Variants in ACSS2 observed in about 807,000 individuals in gnomAD.
ACSS2 encodes the protein acetyl-coenzyme A synthetase, cytoplasmic.
ACSS2 carries 58 observed loss-of-function variants against 90.6 expected under a neutral mutation model. The ratio of observed to expected loss-of-function variants is 0.64; its 90% CI spans 0.52 to 0.80. The LOEUF is 0.80. Among genes scored for constraint, ACSS2 ranks in the 30% least tolerant of loss-of-function variants. The pLI is 0.00. For missense variants in ACSS2, 759 were observed against 912.0 expected, an observed-to-expected ratio of 0.83 and a Z score of 2.16; for synonymous variants, 300 against 330.9, an observed-to-expected ratio of 0.91 and a Z score of 1.01.
At chr20:34,907,083 T>G (rs542517882) in intron 2 of ACSS2, among the ~76,000 whole-genome samples, 1 of 150,974 alleles carries the variant, frequency 6.6e-6, no homozygotes, top group South Asian at 2.1e-4. Context: ...TGAGATAATT[T>G]CAAATAATGG....
At chr20:34,906,949 A>C (rs2080820726) in intron 2 of ACSS2, among the ~76,000 whole-genome samples, 1 of 134,150 alleles carries the variant, frequency 7.5e-6, no homozygotes, top group Non-Finnish European at 1.5e-5. Context: ...GCACTATTGC[A>C]CTCCAGCCTG....
intron 2 of ACSS2, among the ~76,000 whole-genome samples, chr20:34,906,903 G>A (rs147703892): frequency 0.035 from 5,027 of 144,626 alleles, 281 homozygotes; most frequent in African/African-American, 0.12. Flanking sequence ...AGAATTGCTT[G>A]AACCCTGGAG....
chr20:34,890,980 T>G (rs2080321428), intron 2 of ACSS2, among the ~76,000 whole-genome samples: 2 of 148,732 alleles, frequency 1.3e-5, no homozygotes, highest in South Asian at 4.3e-4. Context: ...TACCTCCCCA[T>G]GTCACTGAAG....
chr20:34,927,545 T>C lies in ACSS2; in HGVS notation c.*331T>C. 3.0e-6 allele frequency: 1 copy of C among 329,828 alleles called. No homozygotes were observed. Among genetic ancestry groups the C allele is most frequent in the African/African-American group, 2.1e-5 (1 of 48,750 alleles). The allele number at this position is 329,828 out of a possible 1,614,324, so 20.4% of individuals were successfully genotyped here. ...CTCCACTGAAGCAGGGAGGCAGCTG[T>C]GTAATCCTATGTCAGCTCTCTTAGG... On this transcript the variant is annotated 3_prime_UTR_variant, in exon 18 of 18. Transcript: ENST00000360596. This position sits in a 1 kb window ranked among gnomAD's most constrained non-coding sequence, Gnocchi z 4.2.
At chr20:34,906,104 G>T (rs1006100666) in intron 2 of ACSS2, among the ~76,000 whole-genome samples, 15 of 152,192 alleles carry the variant, frequency 9.9e-5, no homozygotes, top group Non-Finnish European at 1.5e-4. Flanking sequence ...GGGAGGCCGA[G>T]GCGGGTGGAT....
rs1355698923 is a variant in ACSS2, at chr20:34,926,871, T to A, written c.1904-6T>A. On this transcript the variant is annotated splice_region_variant and splice_polypyrimidine_tract_variant and intron_variant, in intron 16 of 17. Coordinates refer to ENST00000360596, the MANE Select transcript of ACSS2 (RefSeq NM_018677.4). Reference sequence around the variant, plus strand: ...GAAGAAATGCTTGATGATTTGTTGGTTACAGTTAGAGAAAAGATTGGCCCC... The same window carrying A: ...GAAGAAATGCTTGATGATTTGTTGGATACAGTTAGAGAAAAGATTGGCCCC... 1 of 1,614,000 alleles carries A rather than the reference T, an allele frequency of 6.2e-7. No individual in the cohort carries two copies. Among genetic ancestry groups the A allele is most frequent in the Admixed American group, 1.7e-5 (1 of 60,000 alleles).
chr20:34,909,565 GA>G (rs1601344845), intron 2 of ACSS2, among the ~76,000 whole-genome samples: 1 of 152,010 alleles, frequency 6.6e-6, no homozygotes, highest in South Asian at 2.1e-4. Context: ...CATTTGTGTA[GA>G]AAAAATGAGA....
chr20:34,875,770 C>T (rs938163410), upstream of ACSS2: 17 of 152,710 alleles, frequency 1.1e-4, no homozygotes, highest in African/African-American at 4.1e-4. Flanking sequence ...CTGGGTTTGC[C>T]ATTTGTGCAA....
intron 2 of ACSS2, among the ~76,000 whole-genome samples, chr20:34,901,658 A>T (rs192303622): frequency 7.9e-5 from 12 of 152,312 alleles, no homozygotes; most frequent in African/African-American, 2.6e-4. Context: ...TTTTCATTTT[A>T]TAGAATCAAA....
At chr20:34,884,247 A>G (rs564824780) in intron 2 of ACSS2, among the ~76,000 whole-genome samples, 36 of 152,330 alleles carry the variant, frequency 2.4e-4, no homozygotes, top group African/African-American at 8.2e-4. Flanking sequence ...GTGAGCCACC[A>G]TGTCTGGCCT....
intron 2 of ACSS2, among the ~76,000 whole-genome samples, chr20:34,904,800 C>T (rs1365499144): frequency 6.6e-6 from 1 of 152,066 alleles, no homozygotes; most frequent in Admixed American, 6.6e-5. Context: ...ACCATATGGC[C>T]TCCAGGTGAA....
intron 8 of ACSS2, 117 bp downstream of exon 8, chr20:34,919,689 G>A: frequency 1.4e-6 from 2 of 1,404,714 alleles, no homozygotes. Context: ...CTACAACCCT[G>A]AGTTTTGGAA....
intron 2 of ACSS2, among the ~76,000 whole-genome samples, chr20:34,893,347 A>G (rs1282542581): frequency 6.6e-6 from 1 of 151,906 alleles, no homozygotes; most frequent in African/African-American, 2.4e-5. Context: ...GAGCACAGTC[A>G]TGCACCAACA....
chr20:34,923,614 G>C (rs1265647240), intron 14 of ACSS2, among the ~76,000 whole-genome samples, 183 bp downstream of exon 14: 1 of 152,206 alleles, frequency 6.6e-6, no homozygotes, highest in African/African-American at 2.4e-5. Flanking sequence ...GCTGGCATCT[G>C]CCTATGGTGA....
chr20:34,889,263 C>T (rs2146988741), intron 2 of ACSS2, among the ~76,000 whole-genome samples: 1 of 151,826 alleles, frequency 6.6e-6, no homozygotes, highest in East Asian at 1.9e-4. Flanking sequence ...GCTGGTACTA[C>T]AGGCGCCCGC....
chr20:34,908,816 G>A (rs949879138), intron 2 of ACSS2: 14 of 382,078 alleles, frequency 3.7e-5, no homozygotes, highest in East Asian at 1.7e-4. Context: ...AGCCAAGATC[G>A]CGCCATTTTA....
rs574320172 is a variant in ACSS2 at position 34,884,960 on chromosome 20, G to T, written c.374+1971G>T. 3.3e-5 allele frequency among the ~76,000 whole-genome samples: 5 copies of T among 152,264 alleles called. No homozygotes were observed. The South Asian group carries it at 1.0e-3, about 32-fold the overall frequency. On this transcript the variant is annotated intron_variant, in intron 2 of 17. Transcript: ENST00000360596. ...CATGCCTGTAATCCCAGCACTTTGG[G>T]AGACCAAGGCAGGTGGATTGCTTGA...
intron 2 of ACSS2, among the ~76,000 whole-genome samples, chr20:34,891,689 T>A (rs1408044418): frequency 1.3e-5 from 2 of 152,088 alleles, no homozygotes; most frequent in African/African-American, 4.8e-5. Context: ...TTGAATGAGG[T>A]GAGCAGATTG....
At chr20:34,908,970 ATATT>A in intron 2 of ACSS2, 1 of 434,582 alleles carries the variant, frequency 2.3e-6, no homozygotes, top group Non-Finnish European at 4.5e-6. Context: ...AAAAATAAAA[ATATT>A]CATTGAAGCA....
Sources: allele counts gnomAD v4.1 joint callset (sites outside exome capture counted in the v4.1 genomes callset), GRCh38; gene constraint gnomAD v4.1.1; non-coding constraint Gnocchi (gnomAD v3.1); transcripts MANE v1.5; gene names NCBI Gene and HGNC (gene_info 2026-07-23, HGNC 2026-07-21).